LRRN1: variants seen among roughly 807,000 people sequenced by gnomAD.
LRRN1 encodes the protein leucine rich repeat neuronal 1, also known as leucine-rich repeat neuronal protein 1.
LRRN1 carries 14 observed loss-of-function variants against 45.8 expected under a neutral mutation model. The ratio of observed to expected loss-of-function variants is 0.31; its 90% confidence interval spans 0.20 to 0.48. The LOEUF (loss-of-function observed/expected upper bound fraction) is 0.48. LRRN1 is among the 20% of genes least tolerant of loss of function. LRRN1 has a pLI of 0.99. For synonymous variants in LRRN1, 359 were observed against 330.1 expected (o/e 1.09, Z -0.95); for missense variants, 789 against 874.2 (o/e 0.90, Z 1.23).
At chr3:3,836,121 A>G (rs770903627) in intron 1 of LRRN1, among the ~76,000 whole-genome samples, 1 of 152,054 alleles carries the variant, frequency 6.6e-6, no homozygotes, top group African/African-American at 2.4e-5. Flanking sequence ...GCCATTTCTT[A>G]TTTGTTGCAG....
chr3:3,844,694 T>C lies in LRRN1; in HGVS notation c.53T>C (p.Leu18Pro). The C allele has an allele frequency of 1.2e-6, 2 of 1,614,156 alleles. No individual in the cohort carries two copies. Among genetic ancestry groups the C allele is most frequent in the Admixed American group, 1.7e-5 (1 of 60,030 alleles). The change falls in exon 2 of 2, where the codon CTA (leucine) becomes CCA (proline). Residue 18 changes from leucine to proline, a missense_variant. Transcript: ENST00000319331. The stretch of plus-strand genomic sequence containing the variant: ...GCTTGCCAATTGGTGCTGGGCCTAC[T>C]AATGACTTCATTAACCGAGTCTTCC... ...IAACQLVLGL[L>P]MTSLTESSIQ...
At chr3:3,806,281 T>A (rs1342854818) in intron 1 of LRRN1, among the ~76,000 whole-genome samples, 1 of 152,190 alleles carries the variant, frequency 6.6e-6, no homozygotes, top group South Asian at 2.1e-4. Flanking sequence ...AAGTGCAGCA[T>A]AGCGTGCTAT....
At chr3:3,841,622 G>A (rs1420253027) in intron 1 of LRRN1, among the ~76,000 whole-genome samples, 3 of 151,928 alleles carry the variant, frequency 2.0e-5, no homozygotes, top group South Asian at 2.1e-4. Flanking sequence ...AGGTTCAAGC[G>A]ATTCTCCTGC....
intron 1 of LRRN1, among the ~76,000 whole-genome samples, chr3:3,842,401 A>ATT (rs201302330): frequency 1.4e-5 from 2 of 146,142 alleles, no homozygotes; most frequent in Admixed American, 1.4e-4. Flanking sequence ...TCTGGATTTA[A>ATT]TTTTTTTTTT....
At chr3:3,815,439 G>T (rs1692967841) in intron 1 of LRRN1, among the ~76,000 whole-genome samples, 1 of 152,124 alleles carries the variant, frequency 6.6e-6, no homozygotes, top group Non-Finnish European at 1.5e-5. Flanking sequence ...TATCATTCCT[G>T]TGGGCATTTG....
Position 3,844,382 on chromosome 3 carries a change from A to G in LRRN1, c.-260A>G, listed in dbSNP as rs759812154. 8 of 403,456 alleles carry G rather than the reference A, an allele frequency of 2.0e-5. No homozygotes were observed. The highest frequency in any genetic ancestry group is 6.1e-5 in the African/African-American group (3 of 49,386). 25.0% of individuals were successfully genotyped at this position (403,456 alleles called of 1,614,324 possible). On this transcript the variant is annotated 5_prime_UTR_variant, in exon 2 of 2. Coordinates refer to ENST00000319331, the MANE Select transcript of LRRN1 (RefSeq NM_020873.7). ...TTTTCAGGCACATCTCCAGACTTCA[A>G]TTTGGCTGAAATAATTCATGCCACG...
chr3:3,836,782 C>G (rs1430132511), intron 1 of LRRN1, among the ~76,000 whole-genome samples: 1 of 152,112 alleles, frequency 6.6e-6, no homozygotes, highest in African/African-American at 2.4e-5. Flanking sequence ...TAGCAAAACT[C>G]TCCCTAGACT....
intron 1 of LRRN1, among the ~76,000 whole-genome samples, chr3:3,826,039 G>T (rs1693208187): frequency 6.6e-6 from 1 of 152,104 alleles, no homozygotes; most frequent in Admixed American, 6.6e-5. Flanking sequence ...AAACATTTTG[G>T]GTTGCCTTTT....
chr3:3,837,337 C>A, intron 1 of LRRN1, among the ~76,000 whole-genome samples: 1 of 152,090 alleles, frequency 6.6e-6, no homozygotes, highest in South Asian at 2.1e-4. Context: ...CTCCTTCCCC[C>A]CCCCATTTTA....
Position 3,847,975 on chromosome 3 carries a change from C to A in LRRN1, c.*1183C>A, listed in dbSNP as rs773711862. 1.3e-5 allele frequency among the ~76,000 whole-genome samples: 2 copies of A among 152,068 alleles called. No homozygotes were observed. The highest frequency in any genetic ancestry group is 2.9e-5 in the Non-Finnish European group (2 of 68,022). On this transcript the variant is annotated 3_prime_UTR_variant, in exon 2 of 2. Coordinates refer to ENST00000319331, the MANE Select transcript of LRRN1 (RefSeq NM_020873.7). ...CACACACATCCCAACCTGTCACACA[C>A]AATGCGTGTGTATATATATATGAAT...
At chr3:3,833,427 G>C (rs941767131) in intron 1 of LRRN1, among the ~76,000 whole-genome samples, 2 of 152,186 alleles carry the variant, frequency 1.3e-5, no homozygotes, top group South Asian at 4.1e-4. Flanking sequence ...AAATCAATAA[G>C]TTCAGCCTGA....
chr3:3,823,404 A>AG (rs2106459460), intron 1 of LRRN1, among the ~76,000 whole-genome samples: 1 of 152,278 alleles, frequency 6.6e-6, no homozygotes, highest in African/African-American at 2.4e-5. Flanking sequence ...TTTAAAAAAA[A>AG]AAAGAAGAAG....
At chr3:3,823,490 T>A (rs1693149766) in intron 1 of LRRN1, among the ~76,000 whole-genome samples, 1 of 152,188 alleles carries the variant, frequency 6.6e-6, no homozygotes, top group Admixed American at 6.5e-5. Context: ...ATTAATTTTC[T>A]TATCGGAAGA....
At position 3,845,552 on chromosome 3, in the gene LRRN1, A is replaced by G; in HGVS notation, c.911A>G (p.Asp304Gly). The change falls in exon 2 of 2, where the codon GAC (aspartate) becomes GGC (glycine). Residue 304 changes from aspartate to glycine, a missense_variant. Coordinates refer to ENST00000319331, the MANE Select transcript of LRRN1 (RefSeq NM_020873.7). The surrounding 1 kb of genome is among the most constrained non-coding windows in gnomAD (Gnocchi z 6.5). ...AATATGGGCGAGCTCGTTTCTGTCG[A>G]CCGCTATGCCCTGGATAACTTGCCT... ...INNMGELVSVDRYALDNLPEL... is the reference protein window; with the variant it reads ...INNMGELVSVGRYALDNLPEL... 6.2e-7 allele frequency: 1 copy of G among 1,614,112 alleles called. No homozygotes were observed. Among genetic ancestry groups the G allele is most frequent in the East Asian group, 2.2e-5 (1 of 44,864 alleles).
chr3:3,802,948 A>G lies in LRRN1; in HGVS notation c.-279+3029A>G, dbSNP rs550574394. On this transcript the variant is annotated intron_variant, in intron 1 of 1. Transcript: ENST00000319331. ...TATTCTGCAAGTCTAATGAAAGGACAGATTAGAACTCATTCCTTGGTAAAT... is the reference window on the plus strand; with the variant it reads ...TATTCTGCAAGTCTAATGAAAGGACGGATTAGAACTCATTCCTTGGTAAAT... Among the ~76,000 whole-genome samples the G allele has an allele frequency of 2.2e-4, 33 of 152,170 alleles. No homozygotes were observed. In the South Asian group the frequency reaches 6.9e-3, roughly 32 times the overall value.
chr3:3,822,746 C>T (rs1408092518), intron 1 of LRRN1: 1 of 152,062 alleles, frequency 6.6e-6, no homozygotes, highest in South Asian at 2.1e-4. Flanking sequence ...TCAAAAATGA[C>T]ATGGCCTTTG....
Position 3,846,608 on chromosome 3 carries a change from T to A in LRRN1, c.1967T>A (p.Phe656Tyr), listed in dbSNP as rs753088503. 6 of 1,614,044 alleles carry A rather than the reference T, an allele frequency of 3.7e-6. No homozygotes were observed. The highest frequency in any genetic ancestry group is 5.1e-6 in the Non-Finnish European group (6 of 1,180,006). The change falls in exon 2 of 2, where the codon TTT becomes TAT. Residue 656 changes from phenylalanine (F) to tyrosine (Y), a missense_variant. By Grantham distance (22) the Phe-to-Tyr change is conservative. Coordinates refer to ENST00000319331, the MANE Select transcript of LRRN1 (RefSeq NM_020873.7). The surrounding 1 kb of genome is among the most constrained non-coding windows in gnomAD (Gnocchi z 5.7). ...ATTGCTGTGTACTTTGCCAAAAGAT[T>A]TAAGAGAAAAAACTACCACCACTCA... ...ASIAVYFAKR[F>Y]KRKNYHHSLK...
chr3:3,815,879 A>G (rs1559287683), intron 1 of LRRN1, among the ~76,000 whole-genome samples: 2 of 137,526 alleles, frequency 1.5e-5, no homozygotes, highest in Non-Finnish European at 3.1e-5. Context: ...TTACTCTAAA[A>G]TTTATTTTAT....
intron 1 of LRRN1, among the ~76,000 whole-genome samples, chr3:3,810,158 C>T (rs1189596046): frequency 2.0e-5 from 3 of 152,164 alleles, no homozygotes; most frequent in African/African-American, 7.2e-5. Context: ...CTGTATCCCA[C>T]TCTCTCTTTT....
Sources: gnomAD v4.1 joint callset for allele counts (sites outside exome capture counted in the v4.1 genomes callset) on GRCh38, gnomAD v4.1.1 for gene constraint, Gnocchi (gnomAD v3.1) non-coding constraint, MANE v1.5 for transcripts, NCBI Gene and HGNC (gene_info 2026-07-23, HGNC 2026-07-21) for gene names.